TFCP2L1: variants seen among roughly 807,000 people sequenced by gnomAD.
TFCP2L1 encodes transcription factor CP2-like protein 1.
A neutral mutation model predicts 72.2 loss-of-function variants in TFCP2L1; 12 were observed. That is an observed-to-expected ratio of 0.17 (90% CI 0.11 to 0.27). The LOEUF (loss-of-function observed/expected upper bound fraction) is 0.27, where lower values mean the gene tolerates loss of function less well. Ranked by LOEUF, TFCP2L1 falls within the 10% of genes least tolerant of loss-of-function variation. The probability of loss-of-function intolerance (pLI) is 1.00; values close to 1 mark genes in which losing one functional copy is unlikely to be tolerated. For missense variants in TFCP2L1, 488 were observed against 624.6 expected, an observed-to-expected ratio of 0.78 and a Z score of 2.33; for synonymous variants, 260 against 251.0, an observed-to-expected ratio of 1.04 and a Z score of -0.34.
rs1685932740 is a variant in TFCP2L1, at chr2:121,221,732, C to T, written c.*2609G>A. 6.6e-6 allele frequency: 1 copy of T among 151,434 alleles called. No homozygotes were observed. The highest frequency in any genetic ancestry group is 2.4e-5 in the African/African-American group (1 of 41,202). The allele number at this position is 151,434 out of a possible 1,614,324, so 9.4% of individuals were successfully genotyped here. On this transcript the variant is annotated 3_prime_UTR_variant, in exon 15 of 15. Coordinates refer to ENST00000263707, the MANE Select transcript of TFCP2L1 (RefSeq NM_014553.3). ...GATATGGCACCAAAAGCACAAGTGACAATAGAAAAAAAATACGTATCTTGG... is the reference window on the plus strand; with the variant it reads ...GATATGGCACCAAAAGCACAAGTGATAATAGAAAAAAAATACGTATCTTGG...
intron 2 of TFCP2L1, among the ~76,000 whole-genome samples, chr2:121,279,702 C>T (rs11677563): frequency 0.084 from 12,818 of 152,224 alleles, 701 homozygotes; most frequent in Middle Eastern, 0.13. Flanking sequence ...TCAAAGTTCG[C>T]GGAGAGGAAG....
chr2:121,271,200 T>TAA (rs70954542), intron 2 of TFCP2L1, among the ~76,000 whole-genome samples: 2 of 129,950 alleles, frequency 1.5e-5, no homozygotes, highest in Non-Finnish European at 3.5e-5. Context: ...AAAATAAAAA[T>TAA]AAAAAAAAAA....
chr2:121,250,587 T>G (rs1458098819), intron 2 of TFCP2L1, among the ~76,000 whole-genome samples: 1 of 150,342 alleles, frequency 6.7e-6, no homozygotes, highest in Non-Finnish European at 1.5e-5. Flanking sequence ...ATAAATCATT[T>G]AATAATTGGT....
In TFCP2L1 at chr2:121,285,133, C is replaced by G; in HGVS notation, c.-24G>C. On this transcript the variant is annotated 5_prime_UTR_variant, in exon 1 of 15. Transcript: ENST00000263707. ...ATGGCTGGAACTCCCAGCGCGCCGA[C>G]CGGGGCGCGGCAGCAAGCGCAGACG... The G allele has an allele frequency of 6.8e-7, 1 of 1,481,202 alleles. No homozygotes were observed. The highest frequency in any genetic ancestry group is 9.0e-7 in the Non-Finnish European group (1 of 1,113,758). The allele number at this position is 1,481,202 out of a possible 1,614,324, so 91.8% of individuals were successfully genotyped here. A position where few individuals can be genotyped will look rare whatever the true frequency, so the allele number is the denominator to read the frequency against.
intron 2 of TFCP2L1, among the ~76,000 whole-genome samples, chr2:121,268,297 A>G (rs1341885321): frequency 1.3e-5 from 2 of 152,198 alleles, no homozygotes; most frequent in Non-Finnish European, 2.9e-5. Context: ...TTGCTGATTA[A>G]ACATTTTTAT....
intron 2 of TFCP2L1, among the ~76,000 whole-genome samples, chr2:121,253,871 C>T (rs1036358190): frequency 6.6e-6 from 1 of 152,176 alleles, no homozygotes; most frequent in Non-Finnish European, 1.5e-5. Context: ...TCCAGCCACC[C>T]TCTGCATGCC....
chr2:121,272,586 T>A (rs1687066892), intron 2 of TFCP2L1, among the ~76,000 whole-genome samples: 2 of 152,318 alleles, frequency 1.3e-5, no homozygotes, highest in South Asian at 4.1e-4. Flanking sequence ...GCCAACCCTG[T>A]GTTAATCTTT....
chr2:121,272,388 T>G (rs373877355), intron 2 of TFCP2L1, among the ~76,000 whole-genome samples: 1 of 152,246 alleles, frequency 6.6e-6, no homozygotes, highest in African/African-American at 2.4e-5. Context: ...TTACGGCATT[T>G]AGGAGTTCAG....
At chr2:121,246,483 C>T (rs899403829) in intron 6 of TFCP2L1, among the ~76,000 whole-genome samples, 3 of 128,548 alleles carry the variant, frequency 2.3e-5, no homozygotes, top group Non-Finnish European at 5.1e-5. Flanking sequence ...CTGTAATGTG[C>T]TTGGGAGAAA....
At chr2:121,255,279 C>T (rs1209742519) in intron 2 of TFCP2L1, among the ~76,000 whole-genome samples, 1 of 152,164 alleles carries the variant, frequency 6.6e-6, no homozygotes, top group Non-Finnish European at 1.5e-5. Context: ...TGTTTGTTTC[C>T]TACGTTCTTA....
intron 2 of TFCP2L1, among the ~76,000 whole-genome samples, chr2:121,269,245 T>C (rs981141613): frequency 6.6e-6 from 1 of 151,774 alleles, no homozygotes; most frequent in Admixed American, 6.6e-5. Flanking sequence ...GTCCAAGAGT[T>C]CGAGACCAGC....
intron 2 of TFCP2L1, among the ~76,000 whole-genome samples, chr2:121,264,632 G>C (rs1686893555): frequency 6.6e-6 from 1 of 152,222 alleles, no homozygotes; most frequent in Non-Finnish European, 1.5e-5. Flanking sequence ...CAGGGATGCT[G>C]GTGGGCAGAG....
Position 121,218,970 on chromosome 2 carries a change from T to G in TFCP2L1, c.*5371A>C, listed in dbSNP as rs2104642765. 1 of 152,386 alleles carries G rather than the reference T, an allele frequency of 6.6e-6. No individual in the cohort carries two copies. The highest frequency in any genetic ancestry group is 2.1e-4 in the South Asian group (1 of 4,826). The allele number at this position is 152,386 out of a possible 1,614,324, so 9.4% of individuals were successfully genotyped here. ...CTCACTGGCCCTCAAGCCCTGTCCC[T>G]AAGGGGCGATGGGAAGGAGGTGGCA... On this transcript the variant is annotated 3_prime_UTR_variant, in exon 15 of 15. Transcript: ENST00000263707.
intron 2 of TFCP2L1, among the ~76,000 whole-genome samples, chr2:121,271,291 C>T (rs1687043592): frequency 6.6e-6 from 1 of 151,552 alleles, no homozygotes; most frequent in Non-Finnish European, 1.5e-5. Context: ...ACGTGGCGAA[C>T]ATATATAAGG....
chr2:121,262,334 G>A (rs1423414472), intron 2 of TFCP2L1, among the ~76,000 whole-genome samples: 10 of 152,126 alleles, frequency 6.6e-5, no homozygotes, highest in South Asian at 6.2e-4. Flanking sequence ...GCGTGGTGGC[G>A]GGCGCCTGTA....
chr2:121,246,399 G>A lies in TFCP2L1; in HGVS notation c.657+419C>T, dbSNP rs567500911. 5.3e-5 allele frequency among the ~76,000 whole-genome samples: 8 copies of A among 152,354 alleles called. No individual in the cohort carries two copies. The South Asian group carries it at 1.7e-3, about 32-fold the overall frequency. On this transcript the variant is annotated intron_variant, in intron 6 of 14. Coordinates refer to ENST00000263707, the MANE Select transcript of TFCP2L1 (RefSeq NM_014553.3). ...TCAAGCCCTCAACAGGAAGATCCGA[G>A]GCCAGGCCTCCAGCAGGGAGAGACT...
At chr2:121,228,829 G>A (rs1014209793) in intron 13 of TFCP2L1, among the ~76,000 whole-genome samples, 1 of 139,894 alleles carries the variant, frequency 7.1e-6, no homozygotes, top group Non-Finnish European at 1.5e-5. Flanking sequence ...TAATATAAAC[G>A]TAATTCTTAA....
intron 2 of TFCP2L1, among the ~76,000 whole-genome samples, chr2:121,271,855 AT>A (rs1483562728): frequency 6.6e-6 from 1 of 152,158 alleles, no homozygotes; most frequent in African/African-American, 2.4e-5. Context: ...TGAAGCTCTT[AT>A]CTCCCTCCCT....
intron 2 of TFCP2L1, among the ~76,000 whole-genome samples, chr2:121,250,894 CAT>C (rs1686598002): frequency 6.6e-6 from 1 of 151,634 alleles, no homozygotes; most frequent in Non-Finnish European, 1.5e-5. Flanking sequence ...CGTGAGCCAC[CAT>C]GCCTGGCCAG....
Sources: allele counts gnomAD v4.1 joint callset (sites outside exome capture counted in the v4.1 genomes callset), GRCh38; gene constraint gnomAD v4.1.1; transcripts MANE v1.5; gene names NCBI Gene and HGNC (gene_info 2026-07-23, HGNC 2026-07-21).